Variants in IL1RAP observed in about 807,000 individuals in gnomAD.
IL1RAP encodes the protein interleukin-1 receptor accessory protein.
A neutral mutation model predicts 60.7 loss-of-function variants in IL1RAP; 35 were observed. The ratio of observed to expected loss-of-function variants is 0.58; its 90% CI spans 0.44 to 0.76. IL1RAP has a LOEUF of 0.76. Ranked by LOEUF, IL1RAP falls within the 30% of genes least tolerant of loss-of-function variation. The pLI, the probability that IL1RAP is intolerant of heterozygous loss-of-function variation, is 0.00. For synonymous variants in IL1RAP, 268 were observed against 250.9 expected, an observed-to-expected ratio of 1.07 and a Z score of -0.64; for missense variants, 572 against 693.9, an observed-to-expected ratio of 0.82 and a Z score of 1.97.
At chr3:190,602,387 A>T (rs928552590) in intron 3 of IL1RAP, among the ~76,000 whole-genome samples, 1 of 152,304 alleles carries the variant, frequency 6.6e-6, no homozygotes, top group South Asian at 2.1e-4. Flanking sequence ...TTTTATAATC[A>T]TTAATTACTT....
chr3:190,622,173 T>G (rs1340967202), intron 6 of IL1RAP, among the ~76,000 whole-genome samples: 2 of 152,228 alleles, frequency 1.3e-5, no homozygotes, highest in African/African-American at 4.8e-5. Flanking sequence ...CAATTAGGTA[T>G]TATGCAACAT....
chr3:190,648,399 C>A lies in IL1RAP; in HGVS notation c.1407C>A (p.Ser469Arg), dbSNP rs751471308. The change falls in exon 12 of 12, where the codon AGC (serine) becomes AGA (arginine). Residue 469 changes from serine to arginine, a missense_variant. By Grantham distance (110) the Ser-to-Arg change is moderately radical. Transcript: ENST00000447382. The stretch of plus-strand genomic sequence containing the variant: ...GCAGACGCCTCCTGGTTGTTCTAAG[C>A]CCCAACTACGTGCTCCAGGGAACCC... ...QKSRRLLVVL[S>R]PNYVLQGTQA... 1 of 1,613,430 alleles carries A rather than the reference C, an allele frequency of 6.2e-7. No individual in the cohort carries two copies.
intron 1 of IL1RAP, among the ~76,000 whole-genome samples, chr3:190,555,313 G>T (rs987290037): frequency 1.3e-5 from 2 of 151,918 alleles, no homozygotes; most frequent in Non-Finnish European, 2.9e-5. Flanking sequence ...TCTCTACTCC[G>T]CTTCCTTCTC....
intron 9 of IL1RAP, among the ~76,000 whole-genome samples, chr3:190,633,878 G>A (rs1256291001): frequency 6.6e-6 from 1 of 151,884 alleles, no homozygotes; most frequent in Non-Finnish European, 1.5e-5. Flanking sequence ...TTTACTGTCC[G>A]TTTCACTCTT....
intron 3 of IL1RAP, among the ~76,000 whole-genome samples, chr3:190,567,913 A>T (rs1408581130): frequency 1.3e-5 from 2 of 152,134 alleles, no homozygotes; most frequent in Non-Finnish European, 2.9e-5. Context: ...AGCTCAATAC[A>T]CGTCTCTTTT....
chr3:190,651,709 G>A (rs1734407593), downstream of IL1RAP, among the ~76,000 whole-genome samples: 1 of 152,066 alleles, frequency 6.6e-6, no homozygotes, highest in Admixed American at 6.5e-5. Flanking sequence ...GGAAGTAAAA[G>A]TTACTTAAGT....
At chr3:190,522,426 T>C (rs1722153956) in intron 1 of IL1RAP, among the ~76,000 whole-genome samples, 1 of 103,406 alleles carries the variant, frequency 9.7e-6, no homozygotes, top group Admixed American at 9.7e-5. Context: ...TATGTATCTA[T>C]CTATCTATCT....
intron 3 of IL1RAP, among the ~76,000 whole-genome samples, chr3:190,579,897 T>C (rs562433092): frequency 1.1e-4 from 16 of 152,374 alleles, no homozygotes; most frequent in South Asian, 2.1e-4. Flanking sequence ...ACAGCTATGA[T>C]ATAGCATGTA....
rs1726159960 is a variant in IL1RAP, at chr3:190,564,172, G to A, written c.-1-117G>A. 21 of 649,762 alleles carry A rather than the reference G, an allele frequency of 3.2e-5. 1 individual carries two copies. The Middle Eastern group carries it at 7.5e-4, about 23-fold the overall frequency. 40.2% of individuals were successfully genotyped at this position (649,762 alleles called of 1,614,324 possible). The stretch of plus-strand genomic sequence containing the variant: ...TCTGACAATGAAATTTGTTAATATT[G>A]TAAAATTCTTAGAACAGTCCCTAGT... On this transcript the variant is annotated intron_variant, in intron 2 of 11. Coordinates refer to ENST00000447382, the MANE Select transcript of IL1RAP (RefSeq NM_002182.4).
At chr3:190,643,994 G>A (rs1733835180) in intron 9 of IL1RAP, 1 of 308,590 alleles carries the variant, frequency 3.2e-6, no homozygotes, top group Non-Finnish European at 4.7e-6. Flanking sequence ...TTATGATTCT[G>A]TTTTAATTTA....
intron 5 of IL1RAP, among the ~76,000 whole-genome samples, chr3:190,617,358 T>C (rs1394898154): frequency 6.6e-6 from 1 of 152,224 alleles, no homozygotes; most frequent in African/African-American, 2.4e-5. Flanking sequence ...CCTCCCCACA[T>C]GATTCGTTTC....
intron 9 of IL1RAP, among the ~76,000 whole-genome samples, chr3:190,636,264 T>A (rs1285595625): frequency 6.6e-6 from 1 of 152,216 alleles, no homozygotes; most frequent in African/African-American, 2.4e-5. Flanking sequence ...CCTTCTGATT[T>A]TTCCAATATA....
intron 3 of IL1RAP, among the ~76,000 whole-genome samples, chr3:190,577,880 G>C (rs1308953876): frequency 2.6e-5 from 4 of 152,100 alleles, no homozygotes; most frequent in African/African-American, 9.7e-5. Flanking sequence ...TCTTTGAAAA[G>C]TGGAATTATG....
chr3:190,542,879 A>T (rs966717128), intron 1 of IL1RAP, among the ~76,000 whole-genome samples: 87 of 104,794 alleles, frequency 8.3e-4, no homozygotes, highest in Non-Finnish European at 1.1e-3. Context: ...GATTAAGGGA[A>T]TTTTTTTTTT....
rs1731943964 is a variant in IL1RAP, at chr3:190,623,326, T to C, written c.704-18T>C. On this transcript the variant is annotated intron_variant, in intron 6 of 11. Coordinates refer to ENST00000447382, the MANE Select transcript of IL1RAP (RefSeq NM_002182.4). ...CCTGATTTAACATCATCTCCCTTTT[T>C]TATTTCCTCTAACACAGGCTCTCCA... 1 of 1,599,146 alleles carries C rather than the reference T, an allele frequency of 6.3e-7. No homozygotes were observed. The highest frequency in any genetic ancestry group is 1.3e-5 in the African/African-American group (1 of 74,572).
In IL1RAP at chr3:190,516,822, G is replaced by A. The variant is rs558423488; in HGVS notation, c.-89+2603G>A. ...TGTAGTGAATAGGTGCTCATTAAAT[G>A]ATATCTCTTCTTAGCTAGTCTCAAT... On this transcript the variant is annotated intron_variant, in intron 1 of 11. Coordinates refer to ENST00000447382, the MANE Select transcript of IL1RAP (RefSeq NM_002182.4). 1.4e-3 allele frequency among the ~76,000 whole-genome samples: 220 copies of A among 152,318 alleles called. 1 individual carries two copies. The highest frequency in any genetic ancestry group is 5.1e-3 in the African/African-American group (214 of 41,578).
intron 4 of IL1RAP, among the ~76,000 whole-genome samples, chr3:190,605,413 G>A (rs1173825155): frequency 1.3e-5 from 2 of 151,886 alleles, no homozygotes; most frequent in Non-Finnish European, 2.9e-5. Flanking sequence ...CCCTTTTCAG[G>A]GTTAATTATT....
chr3:190,573,109 C>T (rs1480616469), intron 3 of IL1RAP, among the ~76,000 whole-genome samples: 2 of 52,144 alleles, frequency 3.8e-5, no homozygotes, highest in African/African-American at 1.5e-4. Flanking sequence ...GTGATCCGCC[C>T]GCCTCGGCCT....
chr3:190,533,263 T>C (rs779090804), intron 1 of IL1RAP, among the ~76,000 whole-genome samples: 3 of 152,116 alleles, frequency 2.0e-5, no homozygotes, highest in Non-Finnish European at 4.4e-5. Flanking sequence ...GAAAACTACA[T>C]TAGTAATGAG....
Sources: gnomAD v4.1 joint callset for allele counts (sites outside exome capture counted in the v4.1 genomes callset) on GRCh38, gnomAD v4.1.1 for gene constraint, MANE v1.5 for transcripts, NCBI Gene and HGNC (gene_info 2026-07-23, HGNC 2026-07-21) for gene names.